Variants in ERI1 observed in about 807,000 individuals in gnomAD.
ERI1 encodes 3'-5' exoribonuclease 1.
A neutral mutation model predicts 39.7 loss-of-function variants in ERI1; 39 were observed. The observed-to-expected ratio is 0.98, with a 90% CI of 0.76 to 1.28. The LOEUF is 1.28. Among genes scored for constraint, ERI1 ranks in the 50% most tolerant of loss-of-function variants. The pLI, the probability that ERI1 is intolerant of heterozygous loss-of-function variation, is 0.00. For synonymous variants in ERI1, 204 were observed against 149.6 expected, an observed-to-expected ratio of 1.36 and a Z score of -2.65; for missense variants, 581 against 416.9, an observed-to-expected ratio of 1.39 and a Z score of -3.43.
intron 3 of ERI1, among the ~76,000 whole-genome samples, chr8:9,067,200 G>A (rs777199946): frequency 2.2e-4 from 33 of 152,050 alleles, no homozygotes; most frequent in Non-Finnish European, 2.9e-4. Flanking sequence ...TGCAGGGTAC[G>A]TCATTCATAC....
chr8:9,083,093 T>C (rs1046026265), intron 3 of ERI1, among the ~76,000 whole-genome samples: 1 of 152,226 alleles, frequency 6.6e-6, no homozygotes, highest in African/African-American at 2.4e-5. Context: ...GGGCCCTGCA[T>C]TTTTTATTTG....
chr8:9,017,773 A>G (rs1817464118), intron 4 of ERI1, among the ~76,000 whole-genome samples: 1 of 152,182 alleles, frequency 6.6e-6, no homozygotes. Context: ...GGCAGAGGCA[A>G]TCCAGATCCT....
At chr8:9,047,171 A>G (rs1305245218) in intron 3 of ERI1, among the ~76,000 whole-genome samples, 8 of 152,184 alleles carry the variant, frequency 5.3e-5, no homozygotes, top group African/African-American at 1.9e-4. Flanking sequence ...TCACCTACTT[A>G]GGAAACACAT....
downstream of ERI1, among the ~76,000 whole-genome samples, chr8:9,033,657 G>A (rs1459619360): frequency 1.3e-5 from 2 of 152,228 alleles, no homozygotes; most frequent in Non-Finnish European, 2.9e-5. Context: ...ATGGAGAGAG[G>A]CATTCTCTGC....
chr8:9,048,811 A>G (rs919246773), intron 3 of ERI1, among the ~76,000 whole-genome samples: 5 of 151,800 alleles, frequency 3.3e-5, no homozygotes, highest in Non-Finnish European at 7.4e-5. Flanking sequence ...GCTAATTATT[A>G]TTATTTTTAT....
downstream of ERI1, among the ~76,000 whole-genome samples, chr8:9,034,636 C>A (rs997019719): frequency 2.0e-5 from 3 of 152,002 alleles, no homozygotes; most frequent in Admixed American, 2.0e-4. Flanking sequence ...CGCTCCCTCT[C>A]CAGACCTACC....
At chr8:9,036,740 T>C (rs898039187), downstream of ERI1, among the ~76,000 whole-genome samples, 2 of 152,144 alleles carry the variant, frequency 1.3e-5, no homozygotes, top group East Asian at 3.9e-4. Flanking sequence ...AAGGTTGTGA[T>C]TTTCTGTTTG....
intron 3 of ERI1, among the ~76,000 whole-genome samples, chr8:9,042,323 G>T (rs553963378): frequency 2.3e-4 from 35 of 152,226 alleles, no homozygotes; most frequent in Admixed American, 2.6e-4. Flanking sequence ...TCTGCAAAAG[G>T]TTCCTAAAAT....
rs370500948 is a variant in ERI1 at position 9,022,068 on chromosome 8, C to T, written c.807+1604C>T. Among the ~76,000 whole-genome samples, 90 of 151,960 alleles carry T rather than the reference C, an allele frequency of 5.9e-4. No individual in the cohort carries two copies. The South Asian group carries it at 0.018, about 31-fold the overall frequency. The stretch of plus-strand genomic sequence containing the variant: ...ACATCATTGACATTACTAGATAATA[C>T]AAAAATAGTTTTCCAATGGAATTGT... On this transcript the variant is annotated intron_variant, in intron 6 of 6. Coordinates refer to ENST00000250263, the MANE Select transcript of ERI1 (RefSeq NM_153332.4).
chr8:9,073,175 C>T (rs546902179), intron 3 of ERI1, among the ~76,000 whole-genome samples: 7 of 152,322 alleles, frequency 4.6e-5, no homozygotes, highest in South Asian at 2.1e-4. Context: ...CTCATGCCTT[C>T]GGCTTTGTCC....
chr8:9,068,727 G>A (rs1798960926), intron 3 of ERI1, among the ~76,000 whole-genome samples: 1 of 152,190 alleles, frequency 6.6e-6, no homozygotes, highest in Admixed American at 6.5e-5. Flanking sequence ...TAGAATGTAA[G>A]CTTCCTGAGA....
chr8:9,013,524 C>A (rs540313868), intron 3 of ERI1, among the ~76,000 whole-genome samples: 1 of 152,112 alleles, frequency 6.6e-6, no homozygotes. Context: ...TCCTAGCCCC[C>A]GTTCTCTGCT....
intron 1 of ERI1, among the ~76,000 whole-genome samples, chr8:9,004,773 C>T (rs1017402247): frequency 3.5e-5 from 5 of 144,600 alleles, no homozygotes; most frequent in Non-Finnish European, 7.6e-5. Context: ...TGCAACCTCC[C>T]GCCTCCCGGA....
chr8:9,070,810 C>T (rs1334891841), intron 3 of ERI1, among the ~76,000 whole-genome samples: 1 of 152,244 alleles, frequency 6.6e-6, no homozygotes, highest in Non-Finnish European at 1.5e-5. Context: ...CCATGAACCA[C>T]GTTTGTAACT....
At chr8:9,089,637 A>G (rs1018303368) in intron 3 of ERI1, among the ~76,000 whole-genome samples, 1 of 151,876 alleles carries the variant, frequency 6.6e-6, no homozygotes, top group Non-Finnish European at 1.5e-5. Flanking sequence ...CCTGGTCACC[A>G]TCAAAGTCCT....
chr8:9,004,782 G>T (rs552254890), intron 1 of ERI1, among the ~76,000 whole-genome samples: 44 of 149,046 alleles, frequency 3.0e-4, no homozygotes, highest in African/African-American at 1.1e-3. Context: ...CCGCCTCCCG[G>T]ATTCAAGTGA....
intron 3 of ERI1, among the ~76,000 whole-genome samples, chr8:9,083,005 C>A (rs1799415820): frequency 6.6e-6 from 1 of 152,188 alleles, no homozygotes; most frequent in South Asian, 2.1e-4. Flanking sequence ...TTAACATAGG[C>A]ATTTCCTCAA....
chr8:9,092,209 G>A (rs1175596289), intron 3 of ERI1, among the ~76,000 whole-genome samples: 1 of 152,166 alleles, frequency 6.6e-6, no homozygotes, highest in Non-Finnish European at 1.5e-5. Flanking sequence ...TGCCTGGCTT[G>A]GCTTCTCAAA....
chr8:9,054,814 G>A (rs993363247), intron 3 of ERI1, among the ~76,000 whole-genome samples: 1 of 152,228 alleles, frequency 6.6e-6, no homozygotes, highest in African/African-American at 2.4e-5. Context: ...TGTAATCCCA[G>A]CTAGTCAGGA....
Sources: gnomAD v4.1 joint callset for allele counts (sites outside exome capture counted in the v4.1 genomes callset) on GRCh38, gnomAD v4.1.1 for gene constraint, MANE v1.5 for transcripts, NCBI Gene and HGNC (gene_info 2026-07-23, HGNC 2026-07-21) for gene names.